HIVEP3: variants seen among roughly 807,000 people sequenced by gnomAD.
The protein encoded by HIVEP3 is transcription factor HIVEP3.
HIVEP3 carries 49 observed loss-of-function variants against 152.8 expected under a neutral mutation model. The observed-to-expected ratio is 0.32, with a 90% CI of 0.26 to 0.41. The LOEUF (loss-of-function observed/expected upper bound fraction) is 0.41, where lower values mean the gene tolerates loss of function less well. HIVEP3 is among the 10% of genes least tolerant of loss of function. The probability of loss-of-function intolerance (pLI) is 1.00; values close to 1 mark genes in which losing one functional copy is unlikely to be tolerated. For missense variants in HIVEP3, 2,790 were observed against 3,103.3 expected (o/e 0.90, Z 2.40); for synonymous variants, 1,269 against 1,289.0 (o/e 0.98, Z 0.33).
rs555621113 is a variant in HIVEP3, at chr1:41,523,632, G to A, written c.5383+1103C>T. On this transcript the variant is annotated intron_variant, in intron 6 of 8. Coordinates refer to ENST00000372583, the MANE Select transcript of HIVEP3 (RefSeq NM_024503.5). ...AAGAGCACGGAGGAAGTGAAGAAGG[G>A]TAGGGACCCTGCTGGGCCCCCTCCA... Among the ~76,000 whole-genome samples the A allele has an allele frequency of 5.9e-5, 9 of 152,274 alleles. No individual in the cohort carries two copies. The East Asian group carries it at 1.7e-3, about 29-fold the overall frequency.
intron 6 of HIVEP3, among the ~76,000 whole-genome samples, chr1:41,523,462 G>A (rs1352873909): frequency 1.3e-5 from 2 of 152,138 alleles, no homozygotes; most frequent in African/African-American, 2.4e-5. Context: ...AGATGATGGC[G>A]AGGGGACAGA....
intron 2 of HIVEP3, among the ~76,000 whole-genome samples, chr1:41,635,384 G>T (rs1354552827): frequency 6.6e-6 from 1 of 150,954 alleles, no homozygotes; most frequent in Non-Finnish European, 1.5e-5. Context: ...CATAACCCAA[G>T]AAACTAAAAA....
chr1:41,525,664 C>T lies in HIVEP3; in HGVS notation c.5208-754G>A, dbSNP rs112548227. On this transcript the variant is annotated intron_variant, in intron 5 of 8. Transcript: ENST00000372583. ...GCAGGGTCCCAGCCACCTGCCACAT[C>T]GCTTGGGGTTCTATCTGGAAGTGCC... Among the ~76,000 whole-genome samples, 21 of 152,340 alleles carry T rather than the reference C, an allele frequency of 1.4e-4. 1 individual carries two copies. Among genetic ancestry groups the T allele is most frequent in the African/African-American group, 5.1e-4 (21 of 41,576 alleles).
chr1:41,919,050 A>C (rs1338827390), upstream of HIVEP3, among the ~76,000 whole-genome samples: 1 of 152,220 alleles, frequency 6.6e-6, no homozygotes, highest in African/African-American at 2.4e-5. Context: ...CACAGTGATA[A>C]GGATTTCATT....
intron 3 of HIVEP3, among the ~76,000 whole-genome samples, chr1:41,588,392 G>C (rs1047857387): frequency 2.6e-5 from 4 of 152,170 alleles, no homozygotes; most frequent in Non-Finnish European, 4.4e-5. Flanking sequence ...CAATCTGAGT[G>C]GGGGTCAGCT....
intron 3 of HIVEP3, among the ~76,000 whole-genome samples, chr1:41,597,037 C>T (rs1444791770): frequency 6.6e-6 from 1 of 152,122 alleles, no homozygotes; most frequent in Non-Finnish European, 1.5e-5. Context: ...TAAATCATTT[C>T]CCTTGGATGA....
Position 41,510,309 on chromosome 1 carries a change from G to A in HIVEP3, c.*142C>T. On this transcript the variant is annotated 3_prime_UTR_variant, in exon 9 of 9. Transcript: ENST00000372583. The stretch of plus-strand genomic sequence containing the variant: ...AAAGGCACAGGTAACTGCATACATG[G>A]GAAGGTACAACAGATGGGGCCGTGA... 1 of 577,756 alleles carries A rather than the reference G, an allele frequency of 1.7e-6. No individual in the cohort carries two copies. The highest frequency in any genetic ancestry group is 5.9e-5 in the South Asian group (1 of 16,868). The allele number at this position is 577,756 out of a possible 1,614,324, so 35.8% of individuals were successfully genotyped here. A position where few individuals can be genotyped will look rare whatever the true frequency, so the allele number is the denominator to read the frequency against.
intron 1 of HIVEP3, among the ~76,000 whole-genome samples, chr1:42,004,120 G>A (rs545964907): frequency 7.9e-5 from 12 of 152,308 alleles, no homozygotes; most frequent in African/African-American, 2.9e-4. Flanking sequence ...ACACCAACCA[G>A]GTGGTGGAGC....
chr1:41,681,500 A>G (rs551800507), intron 2 of HIVEP3, among the ~76,000 whole-genome samples: 18 of 152,294 alleles, frequency 1.2e-4, no homozygotes, highest in African/African-American at 4.1e-4. Context: ...AGAACATACT[A>G]AAGTGCTCAG....
chr1:41,690,609 A>C (rs1411982073), intron 2 of HIVEP3, among the ~76,000 whole-genome samples: 1 of 152,176 alleles, frequency 6.6e-6, no homozygotes, highest in Non-Finnish European at 1.5e-5. Flanking sequence ...GTACACTTAC[A>C]TATTGTTGGC....
intron 1 of HIVEP3, among the ~76,000 whole-genome samples, chr1:41,996,389 CA>C (rs55853325): frequency 7.7e-4 from 109 of 141,738 alleles, no homozygotes; most frequent in Admixed American, 9.2e-4. Context: ...GAACCTATCT[CA>C]AAAAAAAAAA....
intron 1 of HIVEP3, among the ~76,000 whole-genome samples, chr1:41,912,071 G>T (rs781635045): frequency 1.3e-5 from 2 of 152,176 alleles, no homozygotes; most frequent in Admixed American, 6.5e-5. Context: ...TCACAAACAC[G>T]CATAACTAGA....
intron 1 of HIVEP3, among the ~76,000 whole-genome samples, chr1:41,789,509 A>G (rs1428775683): frequency 6.6e-6 from 1 of 152,258 alleles, no homozygotes; most frequent in Non-Finnish European, 1.5e-5. Context: ...GTTTATTTTA[A>G]TATGACCTAC....
intron 1 of HIVEP3, among the ~76,000 whole-genome samples, chr1:41,841,610 G>A (rs1262430998): frequency 6.6e-6 from 1 of 152,170 alleles, no homozygotes; most frequent in Non-Finnish European, 1.5e-5. Context: ...GAAGCTGGTG[G>A]AAAGACATGC....
chr1:41,719,705 T>C (rs147084241), intron 1 of HIVEP3, among the ~76,000 whole-genome samples: 2,215 of 152,304 alleles, frequency 0.015, 26 homozygotes, highest in Non-Finnish European at 0.018. Context: ...CAGAGAAAGA[T>C]GACACGGTGA....
At chr1:41,888,335 A>G (rs553906922) in intron 1 of HIVEP3, among the ~76,000 whole-genome samples, 2 of 149,250 alleles carry the variant, frequency 1.3e-5, no homozygotes, top group Admixed American at 1.3e-4. Flanking sequence ...TACAGGCATG[A>G]GCCACCACGC....
chr1:41,537,007 G>C (rs1220602001), intron 5 of HIVEP3, among the ~76,000 whole-genome samples: 1 of 152,178 alleles, frequency 6.6e-6, no homozygotes, highest in African/African-American at 2.4e-5. Context: ...ACAAGAGGCG[G>C]ATCCAGCCTG....
In HIVEP3 at chr1:41,513,075, G is replaced by A; in HGVS notation, c.6146C>T (p.Ala2049Val). 6.2e-7 allele frequency: 1 copy of A among 1,613,946 alleles called. No individual in the cohort carries two copies. ...ACCCTCGAGTTTGGAGAGCACATGT[G>A]CTCGAGGGGCCAGTTCTCTTCCCAG... ...CPLGRELAPRAHVLSKLEGTT... is the reference protein window; with the variant it reads ...CPLGRELAPRVHVLSKLEGTT... Residue 2049 changes from alanine (A) to valine (V), a missense_variant, in exon 8 of 9, where the codon GCA becomes GTA. This residue lies in a region of HIVEP3 where 816 missense variants were observed against 806.5 expected (regional missense o/e 1.01). Transcript: ENST00000372583.
intron 1 of HIVEP3, among the ~76,000 whole-genome samples, chr1:41,854,461 C>T (rs952598931): frequency 5.3e-5 from 8 of 151,640 alleles, no homozygotes; most frequent in African/African-American, 1.2e-4. Flanking sequence ...CTGCCCATGC[C>T]GATCCCTGTG....
Sources: gnomAD v4.1 joint callset for allele counts (sites outside exome capture counted in the v4.1 genomes callset) on GRCh38, gnomAD v4.1.1 for gene constraint, gnomAD v4.1.1 regional missense constraint, MANE v1.5 for transcripts, NCBI Gene and HGNC (gene_info 2026-07-23, HGNC 2026-07-21) for gene names.